Variants in GRIN2B observed in about 807,000 individuals in gnomAD.
The protein encoded by GRIN2B is glutamate ionotropic receptor NMDA type subunit 2B.
GRIN2B carries 5 observed loss-of-function variants against 114.5 expected under a neutral mutation model. The ratio of observed to expected loss-of-function variants is 0.04; its 90% CI spans 0.02 to 0.09. The LOEUF is 0.09. Ranked by LOEUF, GRIN2B falls within the 10% of genes least tolerant of loss-of-function variation. The probability of loss-of-function intolerance (pLI) is 1.00; values close to 1 mark genes in which losing one functional copy is unlikely to be tolerated. For missense variants in GRIN2B, 1,108 were observed against 1,943.5 expected (o/e 0.57, Z 8.08); for synonymous variants, 787 against 745.1 (o/e 1.06, Z -0.92).
chr12:13,800,426 T>C (rs985453612), intron 3 of GRIN2B, among the ~76,000 whole-genome samples: 1 of 152,194 alleles, frequency 6.6e-6, no homozygotes, highest in African/African-American at 2.4e-5. Flanking sequence ...ACTGACATTA[T>C]CCAAACTCCT....
chr12:13,770,331 A>T (rs1270867427), intron 3 of GRIN2B, among the ~76,000 whole-genome samples: 1 of 152,226 alleles, frequency 6.6e-6, no homozygotes, highest in African/African-American at 2.4e-5. Context: ...AAAGAATTTA[A>T]TGTTCATTGA....
At chr12:13,621,034 A>T (rs1949507199) in intron 5 of GRIN2B, among the ~76,000 whole-genome samples, 1 of 152,184 alleles carries the variant, frequency 6.6e-6, no homozygotes, top group South Asian at 2.1e-4. Context: ...AGTCACTGCC[A>T]ATTCTTTATG....
At chr12:13,854,626 C>T (rs867438696) in intron 3 of GRIN2B, among the ~76,000 whole-genome samples, 2 of 149,484 alleles carry the variant, frequency 1.3e-5, no homozygotes, top group Non-Finnish European at 3.0e-5. Context: ...CCAAGGGCCT[C>T]GGTAGTGGAA....
chr12:13,718,917 T>C (rs1950483307), intron 4 of GRIN2B, among the ~76,000 whole-genome samples: 2 of 152,074 alleles, frequency 1.3e-5, no homozygotes, highest in Admixed American at 1.3e-4. Flanking sequence ...ATGCCCTTTG[T>C]AGACCAACGC....
chr12:13,811,415 C>T (rs942994035), intron 3 of GRIN2B, among the ~76,000 whole-genome samples: 3 of 152,144 alleles, frequency 2.0e-5, no homozygotes. Flanking sequence ...GAGACCTCAA[C>T]TCTACAAAAG....
chr12:13,908,543 G>A (rs924671347), intron 2 of GRIN2B, among the ~76,000 whole-genome samples: 2 of 152,160 alleles, frequency 1.3e-5, no homozygotes, highest in Admixed American at 1.3e-4. Flanking sequence ...TTAAATTCAG[G>A]AAGCCTGATC....
At chr12:13,839,385 T>C (rs76102470) in intron 3 of GRIN2B, among the ~76,000 whole-genome samples, 362 of 152,278 alleles carry the variant, frequency 2.4e-3, no homozygotes, top group African/African-American at 7.4e-3. Flanking sequence ...TATTTTCCAG[T>C]TGGAGAAAAT....
chr12:13,766,624 T>C (rs1024113507), intron 3 of GRIN2B, among the ~76,000 whole-genome samples: 4 of 152,248 alleles, frequency 2.6e-5, no homozygotes, highest in Admixed American at 2.6e-4. Context: ...TTCCATGATC[T>C]ACCCAGCCTT....
Position 13,564,007 on chromosome 12 carries a change from G to A in GRIN2B, c.3231C>T (p.Ala1077=), listed in dbSNP as rs1284761685. 8 of 1,614,114 alleles carry A rather than the reference G, an allele frequency of 5.0e-6. No individual in the cohort carries two copies. Among genetic ancestry groups the A allele is most frequent in the African/African-American group, 1.3e-5 (1 of 74,946 alleles). The change falls in exon 14 of 14, where the codon GCC becomes GCT. Residue 1077 remains alanine, a synonymous_variant. Coordinates refer to ENST00000609686, the MANE Select transcript of GRIN2B (RefSeq NM_000834.5). The surrounding 1 kb of genome is among the most constrained non-coding windows in gnomAD (Gnocchi z 4.8). ...TATATTGCTGCTTACGCCTCTTGGCGGCATTGCCCTCGATGTTCCCATAGG... is the reference window on the plus strand; with the variant it reads ...TATATTGCTGCTTACGCCTCTTGGCAGCATTGCCCTCGATGTTCCCATAGG... The part of the protein sequence containing the change: ...TVTYGNIEGN[A]AKRRKQQYKD...
At chr12:13,833,319 C>T (rs1020816208) in intron 3 of GRIN2B, among the ~76,000 whole-genome samples, 3 of 152,170 alleles carry the variant, frequency 2.0e-5, no homozygotes, top group African/African-American at 7.2e-5. Flanking sequence ...AGGCCTGGTC[C>T]TCACGAGGAG....
In GRIN2B at chr12:13,615,705, CT is replaced by C; in HGVS notation, c.1329-42del. The C allele has an allele frequency of 6.3e-7, 1 of 1,579,268 alleles. No individual in the cohort carries two copies. The highest frequency in any genetic ancestry group is 1.3e-5 in the African/African-American group (1 of 74,360). Reference sequence around the variant, plus strand: ...AACAAAAACAAACAAACAAAAAAGTCTTTGTACAAAAAGCCAACATTTATTA... The same window carrying C: ...AACAAAAACAAACAAACAAAAAAGTCTTGTACAAAAAGCCAACATTTATTA... On this transcript the variant is annotated intron_variant, in intron 6 of 13. Coordinates refer to ENST00000609686, the MANE Select transcript of GRIN2B (RefSeq NM_000834.5). This position sits in a 1 kb window ranked among gnomAD's most constrained non-coding sequence, Gnocchi z 5.8.
intron 3 of GRIN2B, among the ~76,000 whole-genome samples, chr12:13,784,749 T>C (rs1325973263): frequency 6.6e-6 from 1 of 152,164 alleles, no homozygotes; most frequent in Admixed American, 6.6e-5. Flanking sequence ...AGAGACCACA[T>C]GGCTAAGAGC....
intron 4 of GRIN2B, among the ~76,000 whole-genome samples, chr12:13,708,145 A>T (rs931769099): frequency 6.6e-6 from 1 of 152,110 alleles, no homozygotes; most frequent in African/African-American, 2.4e-5. Context: ...AAGGTTGTGA[A>T]TTTACCACTT....
At chr12:13,683,550 G>A (rs2136548836) in intron 4 of GRIN2B, 1 of 154,040 alleles carries the variant, frequency 6.5e-6, no homozygotes, top group South Asian at 2.1e-4. Context: ...GGGGATGTGA[G>A]GGTGATCTGG....
At chr12:13,776,560 A>T (rs17833896) in intron 3 of GRIN2B, among the ~76,000 whole-genome samples, 2,910 of 152,312 alleles carry the variant, frequency 0.019, 42 homozygotes, top group Admixed American at 0.031. Flanking sequence ...ATTACTGAGG[A>T]GAACAAATTA....
intron 3 of GRIN2B, among the ~76,000 whole-genome samples, chr12:13,792,175 C>A (rs1037749095): frequency 6.6e-5 from 10 of 152,240 alleles, no homozygotes; most frequent in African/African-American, 2.4e-4. Context: ...GAAGGGCATG[C>A]CCCAGCTTAA....
intron 13 of GRIN2B, among the ~76,000 whole-genome samples, chr12:13,565,259 CA>C (rs1250411686): frequency 6.6e-6 from 1 of 152,174 alleles, no homozygotes; most frequent in African/African-American, 2.4e-5. Flanking sequence ...AGAGAATTAG[CA>C]AGCCCTGGGG....
intron 4 of GRIN2B, among the ~76,000 whole-genome samples, chr12:13,749,413 G>A (rs949330203): frequency 6.6e-6 from 1 of 152,220 alleles, no homozygotes; most frequent in African/African-American, 2.4e-5. Flanking sequence ...CAGAAGGTGA[G>A]AGGAGAAGCC....
chr12:13,869,241 C>CTTT (rs377460231), intron 2 of GRIN2B, among the ~76,000 whole-genome samples: 96 of 127,356 alleles, frequency 7.5e-4, no homozygotes, highest in African/African-American at 2.0e-3. Flanking sequence ...CTTTTTTTTT[C>CTTT]TTTTTTTTTT....
Sources: gnomAD v4.1 joint callset for allele counts (sites outside exome capture counted in the v4.1 genomes callset) on GRCh38, gnomAD v4.1.1 for gene constraint, Gnocchi (gnomAD v3.1) non-coding constraint, MANE v1.5 for transcripts, NCBI Gene and HGNC (gene_info 2026-07-23, HGNC 2026-07-21) for gene names.